SIL1: variants seen among roughly 807,000 people sequenced by gnomAD.
SIL1 encodes the protein SIL1 nucleotide exchange factor, also known as nucleotide exchange factor SIL1.
A neutral mutation model predicts 49.1 loss-of-function variants in SIL1; 40 were observed. That is an observed-to-expected ratio of 0.81 (90% confidence interval 0.63 to 1.06). The LOEUF is 1.06. Ranked by LOEUF, SIL1 falls within the 50% of genes least tolerant of loss-of-function variation. The pLI, the probability that SIL1 is intolerant of heterozygous loss-of-function variation, is 0.00. For synonymous variants in SIL1, 253 were observed against 250.8 expected (o/e 1.01, Z -0.08); for missense variants, 500 against 572.6 (o/e 0.87, Z 1.29).
At chr5:139,128,373 T>C (rs747965604) in intron 1 of SIL1, among the ~76,000 whole-genome samples, 41 of 151,898 alleles carry the variant, frequency 2.7e-4, no homozygotes, top group Non-Finnish European at 4.6e-4. Context: ...CAAATAAAAG[T>C]ACAAGCCCCA....
intron 6 of SIL1, among the ~76,000 whole-genome samples, chr5:139,024,641 G>A (rs1768604155): frequency 6.6e-6 from 1 of 152,150 alleles, no homozygotes; most frequent in Non-Finnish European, 1.5e-5. Context: ...CAGCCTCCTG[G>A]GCCACTGTTG....
At chr5:139,064,690 A>T (rs1444667312) in intron 3 of SIL1, among the ~76,000 whole-genome samples, 2 of 152,232 alleles carry the variant, frequency 1.3e-5, no homozygotes, top group Non-Finnish European at 2.9e-5. Flanking sequence ...TTTCACTAGA[A>T]GGAATTGCAG....
chr5:139,012,184 C>A (rs1768290563), intron 7 of SIL1: 1 of 152,452 alleles, frequency 6.6e-6, no homozygotes. Context: ...TTCTGAGTAG[C>A]TGGGACCACA....
At chr5:139,120,444 T>C (rs781137583) in intron 3 of SIL1, among the ~76,000 whole-genome samples, 5 of 152,164 alleles carry the variant, frequency 3.3e-5, no homozygotes, top group Non-Finnish European at 5.9e-5. Context: ...AGATTATGCA[T>C]ACGAAGCACC....
chr5:139,084,693 A>ATGAG (rs1770171397), intron 3 of SIL1, among the ~76,000 whole-genome samples: 1 of 141,180 alleles, frequency 7.1e-6, no homozygotes, highest in Non-Finnish European at 1.5e-5. Context: ...TAGATGACAC[A>ATGAG]TTAGTGGGTG....
intron 7 of SIL1, among the ~76,000 whole-genome samples, chr5:139,009,076 A>C (rs887953634): frequency 2.6e-5 from 4 of 151,378 alleles, no homozygotes; most frequent in African/African-American, 7.3e-5. Context: ...AAAGTCTCCC[A>C]TTATTATTGT....
intron 1 of SIL1, among the ~76,000 whole-genome samples, chr5:139,194,523 T>C (rs752324254): frequency 6.6e-6 from 1 of 152,164 alleles, no homozygotes; most frequent in Non-Finnish European, 1.5e-5. Flanking sequence ...AAGACTAAGG[T>C]TTGCAGTTTA....
chr5:138,962,825 A>T (rs1767050793), intron 7 of SIL1, among the ~76,000 whole-genome samples: 1 of 152,164 alleles, frequency 6.6e-6, no homozygotes, highest in Non-Finnish European at 1.5e-5. Context: ...AGCTAGAGGG[A>T]GAGATTGGGA....
At chr5:138,956,099 T>C (rs1766896020) in intron 7 of SIL1, among the ~76,000 whole-genome samples, 1 of 152,222 alleles carries the variant, frequency 6.6e-6, no homozygotes, top group Non-Finnish European at 1.5e-5. Flanking sequence ...CCTCGTGACA[T>C]TTCTAAGTGC....
At chr5:138,951,362 G>C (rs1198592618) in intron 8 of SIL1, 27 bp from the exon 9 acceptor site, 8 of 1,550,706 alleles carry the variant, frequency 5.2e-6, no homozygotes, top group Non-Finnish European at 7.0e-6. Context: ...AGGGGTAGGT[G>C]AGGGGCCAAG....
At chr5:139,146,954 T>G (rs1221352394) in intron 1 of SIL1, among the ~76,000 whole-genome samples, 10 of 152,186 alleles carry the variant, frequency 6.6e-5, no homozygotes, top group Non-Finnish European at 1.5e-5. Flanking sequence ...AAAACTGTAC[T>G]GTAAATATGA....
At chr5:139,128,757 A>G (rs1750804163) in intron 1 of SIL1, among the ~76,000 whole-genome samples, 1 of 152,250 alleles carries the variant, frequency 6.6e-6, no homozygotes, top group Non-Finnish European at 1.5e-5. Flanking sequence ...AGCAACATAC[A>G]GATTCAGAGC....
chr5:139,055,782 T>C (rs1769399713), intron 3 of SIL1, among the ~76,000 whole-genome samples: 1 of 135,932 alleles, frequency 7.4e-6, no homozygotes, highest in Admixed American at 7.1e-5. Flanking sequence ...CTGATTCTCC[T>C]GCCTCAGCCT....
chr5:139,104,232 A>T (rs1770654252), intron 3 of SIL1, among the ~76,000 whole-genome samples: 1 of 152,324 alleles, frequency 6.6e-6, no homozygotes, highest in South Asian at 2.1e-4. Context: ...TGTAGGTAAC[A>T]GACTGGGCAG....
intron 7 of SIL1, among the ~76,000 whole-genome samples, chr5:139,018,009 T>G (rs1192664547): frequency 6.6e-6 from 1 of 152,188 alleles, no homozygotes; most frequent in Non-Finnish European, 1.5e-5. Context: ...CCTGCATATC[T>G]TTTTATGTAA....
intron 7 of SIL1, among the ~76,000 whole-genome samples, chr5:138,963,952 G>A (rs1203652270): frequency 6.6e-6 from 1 of 152,192 alleles, no homozygotes; most frequent in Non-Finnish European, 1.5e-5. Flanking sequence ...GGGTTCACCA[G>A]GTCTCACTGG....
chr5:139,051,056 AAGAAG>A lies in SIL1; in HGVS notation c.245-15_245-11del. 6.2e-7 allele frequency: 1 copy of A among 1,613,418 alleles called. No individual in the cohort carries two copies. Among genetic ancestry groups the A allele is most frequent in the Non-Finnish European group, 8.5e-7 (1 of 1,179,348 alleles). On this transcript the variant is annotated splice_polypyrimidine_tract_variant and intron_variant, in intron 3 of 9. Transcript: ENST00000394817. ...GCAGGGACAGCCTGCCCTAAAAGCC[AAGAAG>A]AGAAAAGGCTCATGAGGTACAAGGT...
chr5:139,195,382 TTTTTG>T lies in SIL1; in HGVS notation c.-11+2882_-11+2886del, dbSNP rs200533231. ...TCAAAGTAAATATTATTCCCAGTTT[TTTTTG>T]TTTTGTTTTGTTTTGTTTTGAGACG... On this transcript the variant is annotated intron_variant, in intron 1 of 9. Coordinates refer to ENST00000394817, the MANE Select transcript of SIL1 (RefSeq NM_022464.5). Among the ~76,000 whole-genome samples, 971 of 152,258 alleles carry T rather than the reference TTTTTG, an allele frequency of 6.4e-3. 14 individuals carry two copies. The highest frequency in any genetic ancestry group is 0.019 in the African/African-American group (810 of 41,550).
chr5:139,083,213 G>A (rs940840297), intron 3 of SIL1, among the ~76,000 whole-genome samples: 1 of 152,204 alleles, frequency 6.6e-6, no homozygotes, highest in African/African-American at 2.4e-5. Flanking sequence ...TGAAAATTCA[G>A]ATGTACCTTG....
Sources: allele counts gnomAD v4.1 joint callset (sites outside exome capture counted in the v4.1 genomes callset), GRCh38; gene constraint gnomAD v4.1.1; transcripts MANE v1.5; gene names NCBI Gene and HGNC (gene_info 2026-07-23, HGNC 2026-07-21).